TANC1: variants seen among roughly 807,000 people sequenced by gnomAD.
TANC1 encodes protein TANC1.
In TANC1, 77 loss-of-function variants were observed where a neutral mutation model predicts 149.7. The observed-to-expected ratio is 0.51, with a 90% CI of 0.43 to 0.62. The LOEUF is 0.62. Ranked by LOEUF, TANC1 falls within the 20% of genes least tolerant of loss-of-function variation. The probability of loss-of-function intolerance (pLI) is 0.00; values close to 1 mark genes in which losing one functional copy is unlikely to be tolerated. For missense variants in TANC1, 1,985 were observed against 2,321.8 expected (o/e 0.85, Z 2.98); for synonymous variants, 854 against 925.0 (o/e 0.92, Z 1.39).
In TANC1 at chr2:159,150,358, T is replaced by C. The variant is rs770985675; in HGVS notation, c.496-12T>C. 6.2e-7 allele frequency: 1 copy of C among 1,611,916 alleles called. No homozygotes were observed. The highest frequency in any genetic ancestry group is 8.5e-7 in the Non-Finnish European group (1 of 1,178,448). On this transcript the variant is annotated splice_polypyrimidine_tract_variant and intron_variant, in intron 6 of 26. Transcript: ENST00000263635. ...TAAGCCGTGCTAACTCCTCCTTCCA[T>C]TCATCTTGCAGTGCACAGCTCTGAG...
chr2:159,029,194 C>T (rs2356704), intron 2 of TANC1, among the ~76,000 whole-genome samples: 11,594 of 152,132 alleles, frequency 0.076, 679 homozygotes, highest in East Asian at 0.16. Flanking sequence ...TTTTTTATGG[C>T]GGAATGATCC....
chr2:159,194,587 C>A, intron 17 of TANC1, 94 bp downstream of exon 17: 1 of 1,112,380 alleles, frequency 9.0e-7, no homozygotes, highest in Non-Finnish European at 1.4e-6. Flanking sequence ...TCTCTTGTCT[C>A]TGAAACCACA....
chr2:159,009,922 A>T (rs932888591), intron 2 of TANC1, among the ~76,000 whole-genome samples: 1 of 152,220 alleles, frequency 6.6e-6, no homozygotes, highest in African/African-American at 2.4e-5. Flanking sequence ...CTAGTACTGG[A>T]AAGAAGGTAG....
At chr2:159,026,314 G>T (rs111572739) in intron 2 of TANC1, among the ~76,000 whole-genome samples, 2 of 152,126 alleles carry the variant, frequency 1.3e-5, no homozygotes, top group Non-Finnish European at 2.9e-5. Flanking sequence ...CCTTCTTGGC[G>T]TGGACCAGCT....
chr2:159,047,074 C>A (rs1205051395), intron 2 of TANC1, among the ~76,000 whole-genome samples: 1 of 152,148 alleles, frequency 6.6e-6, no homozygotes, highest in African/African-American at 2.4e-5. Context: ...ATCCACACTT[C>A]ATGGACCCCC....
intron 4 of TANC1, among the ~76,000 whole-genome samples, chr2:159,119,812 T>G (rs1345473088): frequency 1.3e-5 from 2 of 152,198 alleles, no homozygotes; most frequent in Non-Finnish European, 2.9e-5. Context: ...TTGTCCTTTT[T>G]AGACTCTAAA....
chr2:159,003,749 A>C (rs1263720165), intron 2 of TANC1, among the ~76,000 whole-genome samples: 1 of 152,072 alleles, frequency 6.6e-6, no homozygotes, highest in Non-Finnish European at 1.5e-5. Context: ...CCGCTGCCGC[A>C]GTCGTCGTCT....
chr2:158,995,243 G>A (rs1453480211), intron 1 of TANC1, among the ~76,000 whole-genome samples: 1 of 152,174 alleles, frequency 6.6e-6, no homozygotes, highest in Admixed American at 6.5e-5. Context: ...GGCTGGCTGG[G>A]GGGGCGCTCA....
At chr2:159,146,248 A>G (rs1319001247) in intron 5 of TANC1, among the ~76,000 whole-genome samples, 1 of 152,150 alleles carries the variant, frequency 6.6e-6, no homozygotes, top group Non-Finnish European at 1.5e-5. Context: ...TAGGGAAGGG[A>G]GAGATTCAGA....
chr2:159,163,046 C>G (rs2054203813), intron 7 of TANC1, among the ~76,000 whole-genome samples: 1 of 152,158 alleles, frequency 6.6e-6, no homozygotes, highest in African/African-American at 2.4e-5. Flanking sequence ...TCATTATCTT[C>G]CTATCAGAGT....
intron 4 of TANC1, among the ~76,000 whole-genome samples, chr2:159,109,993 G>A (rs2047566614): frequency 6.6e-6 from 1 of 152,192 alleles, no homozygotes; most frequent in Non-Finnish European, 1.5e-5. Flanking sequence ...AATCTTCCAT[G>A]AAATTATGAC....
At chr2:159,168,990 T>C (rs768808167) in intron 8 of TANC1, among the ~76,000 whole-genome samples, 1 of 152,206 alleles carries the variant, frequency 6.6e-6, no homozygotes, top group African/African-American at 2.4e-5. Context: ...TGGTGAATTC[T>C]GTCTCTTTCC....
chr2:158,990,583 T>A (rs1038989067), intron 1 of TANC1, among the ~76,000 whole-genome samples: 5 of 152,054 alleles, frequency 3.3e-5, no homozygotes, highest in Admixed American at 1.3e-4. Context: ...TGAGTAAGAA[T>A]TCACTTAAGC....
intron 1 of TANC1, among the ~76,000 whole-genome samples, chr2:158,977,612 A>T (rs931234830): frequency 2.1e-5 from 3 of 143,094 alleles, no homozygotes; most frequent in African/African-American, 7.7e-5. Context: ...TGCCTGGCTA[A>T]TTTTTTTTTT....
intron 20 of TANC1, among the ~76,000 whole-genome samples, chr2:159,218,736 C>T (rs532262163): frequency 6.6e-4 from 101 of 152,318 alleles, no homozygotes; most frequent in Non-Finnish European, 9.6e-4. Context: ...AAGTTGCCTT[C>T]CCCGAAGGGC....
chr2:159,007,679 A>G (rs1249966387), intron 2 of TANC1, among the ~76,000 whole-genome samples: 1 of 152,240 alleles, frequency 6.6e-6, no homozygotes, highest in Non-Finnish European at 1.5e-5. Context: ...CTCAGAACGT[A>G]TCCTCGTTGA....
chr2:159,130,142 G>A (rs2049930877), intron 4 of TANC1, among the ~76,000 whole-genome samples: 1 of 152,134 alleles, frequency 6.6e-6, no homozygotes, highest in African/African-American at 2.4e-5. Context: ...TCTCGTTGTT[G>A]TTGTTGTTGT....
intron 1 of TANC1, among the ~76,000 whole-genome samples, chr2:158,994,350 GC>G (rs1187006923): frequency 4.6e-5 from 7 of 152,146 alleles, no homozygotes; most frequent in Admixed American, 3.9e-4. Context: ...GCTCACTGCA[GC>G]CTCCAACTCC....
In TANC1 at chr2:159,230,926, C is replaced by T. The variant is rs777392788; in HGVS notation, c.5500C>T (p.Gln1834Ter). 5.6e-6 allele frequency: 9 copies of T among 1,614,096 alleles called. No individual in the cohort carries two copies. The African/African-American group carries it at 1.1e-4, about 19-fold the overall frequency. ...SHLYQESISK[Q>*]QPHISNEAHR... ...TCTGTACCAGGAAAGTATCTCCAAA[C>T]AGCAGCCTCATATTAGTAATGAAGC... Residue 1834 changes from glutamine to a stop codon, truncating the protein, a stop_gained, in exon 27 of 27, where the codon CAG (glutamine) becomes TAG (stop). Coordinates refer to ENST00000263635, the MANE Select transcript of TANC1 (RefSeq NM_033394.3). LOFTEE classifies it high-confidence loss of function. This position sits in a 1 kb window ranked among gnomAD's most constrained non-coding sequence, Gnocchi z 4.4.
Sources: allele counts gnomAD v4.1 joint callset (sites outside exome capture counted in the v4.1 genomes callset), GRCh38; gene constraint gnomAD v4.1.1; non-coding constraint Gnocchi (gnomAD v3.1); transcripts MANE v1.5; gene names NCBI Gene and HGNC (gene_info 2026-07-23, HGNC 2026-07-21).